The following RAPGEF4 variants were observed in gnomAD, a reference collection of about 807,000 sequenced individuals.
The protein encoded by RAPGEF4 is Rap guanine nucleotide exchange factor 4.
In RAPGEF4, 66 loss-of-function variants were observed where a neutral mutation model predicts 147.9. That is an observed-to-expected ratio of 0.45 (90% CI 0.37 to 0.55). The LOEUF is 0.55. RAPGEF4 is among the 20% of genes least tolerant of loss of function. The pLI is 0.00. For synonymous variants in RAPGEF4, 419 were observed against 442.7 expected (o/e 0.95, Z 0.67); for missense variants, 1,071 against 1,257.3 (o/e 0.85, Z 2.24).
At chr2:172,827,947 T>C (rs72908199) in intron 4 of RAPGEF4, among the ~76,000 whole-genome samples, 2,278 of 152,268 alleles carry the variant, frequency 0.015, 19 homozygotes, top group South Asian at 0.033. Flanking sequence ...AAATCTGCCC[T>C]TACATCCTTT....
chr2:172,958,026 C>G (rs1396287958), intron 6 of RAPGEF4, among the ~76,000 whole-genome samples: 10 of 152,196 alleles, frequency 6.6e-5, no homozygotes, highest in Admixed American at 4.6e-4. Context: ...AACATGCAAT[C>G]TTCAAATAAT....
chr2:172,914,293 T>C lies in RAPGEF4; in HGVS notation c.445-3509T>C, dbSNP rs115108285. On this transcript the variant is annotated intron_variant, in intron 4 of 30. Coordinates refer to ENST00000397081, the MANE Select transcript of RAPGEF4 (RefSeq NM_007023.4). ...TCTGCATCTGCCCTCTGAGGGAGGT[T>C]CCTAGCTCAGTCAAAGGAAATATGC... is the stretch of plus-strand genomic sequence containing the variant. Among the ~76,000 whole-genome samples, 238 of 149,828 alleles carry C rather than the reference T, an allele frequency of 1.6e-3. 1 individual carries two copies. Among genetic ancestry groups the C allele is most frequent in the African/African-American group, 5.6e-3 (228 of 40,900 alleles).
At chr2:172,902,269 T>C (rs955125598) in intron 4 of RAPGEF4, among the ~76,000 whole-genome samples, 6 of 151,828 alleles carry the variant, frequency 4.0e-5, no homozygotes, top group Non-Finnish European at 8.8e-5. Flanking sequence ...AGAGCTGGGA[T>C]TGGAGCCCAT....
chr2:172,889,703 G>T, intron 4 of RAPGEF4: 1 of 269,292 alleles, frequency 3.7e-6, no homozygotes, highest in Non-Finnish European at 5.7e-6. Context: ...ACACACACAC[G>T]CTACCCACTG....
At chr2:172,937,037 CAAAAAAAAAAA>C (rs34104170) in intron 6 of RAPGEF4, among the ~76,000 whole-genome samples, 2 of 52,602 alleles carry the variant, frequency 3.8e-5, no homozygotes, top group African/African-American at 8.1e-5. Flanking sequence ...CCTCTCTCTG[CAAAAAAAAAAA>C]AAAAAAAAAA....
rs145445477 is a variant in RAPGEF4 at position 173,044,485 on chromosome 2, G to A, written c.2854-4115G>A. On this transcript the variant is annotated intron_variant, in intron 29 of 30. Coordinates refer to ENST00000397081, the MANE Select transcript of RAPGEF4 (RefSeq NM_007023.4). ...TTTTCAGCTCTAAAGAAAAATAGAC[G>A]CGTGACATAGTCACAGAGTTCTTCA... 7.6e-4 allele frequency among the ~76,000 whole-genome samples: 116 copies of A among 152,240 alleles called. 2 individuals carry two copies. Among genetic ancestry groups the A allele is most frequent in the African/African-American group, 2.6e-3 (106 of 41,534 alleles).
rs556003292 is a variant in RAPGEF4 at position 173,005,452 on chromosome 2, ACCAGTTCT to A, written c.1658+4112_1658+4119del. Among the ~76,000 whole-genome samples, 612 of 149,700 alleles carry A rather than the reference ACCAGTTCT, an allele frequency of 4.1e-3. 4 individuals are homozygous for A. The highest frequency in any genetic ancestry group is 0.013 in the African/African-American group (534 of 40,730). ...ACATTATTTACTTTATCTTTCCAAC[ACCAGTTCT>A]CCAAATGTAAAGCAAAAAAGTCTGG... is the stretch of plus-strand genomic sequence containing the variant. On this transcript the variant is annotated intron_variant, in intron 17 of 30. Transcript: ENST00000397081.
At chr2:172,857,800 G>C (rs908292800) in intron 4 of RAPGEF4, among the ~76,000 whole-genome samples, 5 of 149,472 alleles carry the variant, frequency 3.3e-5, no homozygotes, top group Non-Finnish European at 5.9e-5. Context: ...AAGATCACTT[G>C]AGCCCTGGAG....
chr2:172,990,534 ACTTC>A (rs1475918407), intron 14 of RAPGEF4, among the ~76,000 whole-genome samples: 1 of 152,166 alleles, frequency 6.6e-6, no homozygotes, highest in Non-Finnish European at 1.5e-5. Context: ...TTCCTGCTCT[ACTTC>A]CTTCTCCCAA....
chr2:172,935,214 G>C (rs1686429386), intron 6 of RAPGEF4, among the ~76,000 whole-genome samples: 1 of 152,164 alleles, frequency 6.6e-6, no homozygotes, highest in Non-Finnish European at 1.5e-5. Context: ...GGGGCTCACA[G>C]TGGAGCCGGC....
chr2:172,868,897 A>G (rs1694919239), intron 4 of RAPGEF4, among the ~76,000 whole-genome samples: 1 of 152,138 alleles, frequency 6.6e-6, no homozygotes, highest in Admixed American at 6.5e-5. Context: ...TGGAAGGTGA[A>G]GGGGGAGCAG....
At chr2:173,045,505 G>C (rs1454903569) in intron 29 of RAPGEF4, among the ~76,000 whole-genome samples, 2 of 152,220 alleles carry the variant, frequency 1.3e-5, no homozygotes, top group African/African-American at 4.8e-5. Context: ...ATCTGGGGGT[G>C]TGAAGATATC....
chr2:172,767,354 T>C (rs890151713), intron 1 of RAPGEF4, among the ~76,000 whole-genome samples: 1 of 152,042 alleles, frequency 6.6e-6, no homozygotes, highest in African/African-American at 2.4e-5. Context: ...AGTTTTTGTA[T>C]TTTTAGTATA....
intron 8 of RAPGEF4, among the ~76,000 whole-genome samples, chr2:172,963,273 G>A (rs1180775914): frequency 1.3e-5 from 2 of 152,052 alleles, no homozygotes; most frequent in African/African-American, 4.8e-5. Context: ...ACCATATCAG[G>A]CCCCCTACAT....
chr2:172,902,817 C>A (rs1223131514), intron 4 of RAPGEF4, among the ~76,000 whole-genome samples: 2 of 152,258 alleles, frequency 1.3e-5, no homozygotes, highest in Admixed American at 6.5e-5. Flanking sequence ...AAAGTAGGAT[C>A]CACTCAAATG....
intron 4 of RAPGEF4, among the ~76,000 whole-genome samples, chr2:172,855,028 T>A (rs986957112): frequency 2.6e-5 from 4 of 152,148 alleles, no homozygotes; most frequent in African/African-American, 7.2e-5. Flanking sequence ...TCACAGTAGA[T>A]CTAAAAATCA....
intron 6 of RAPGEF4, among the ~76,000 whole-genome samples, chr2:172,922,913 C>G (rs1478488575): frequency 1.3e-5 from 2 of 152,184 alleles, no homozygotes; most frequent in Non-Finnish European, 2.9e-5. Context: ...TATTAACTAA[C>G]ATCTAAATTT....
At chr2:173,005,459 C>G (rs1694336137) in intron 17 of RAPGEF4, among the ~76,000 whole-genome samples, 1 of 149,048 alleles carries the variant, frequency 6.7e-6, no homozygotes, top group African/African-American at 2.5e-5. Context: ...AACACCAGTT[C>G]TCCAAATGTA....
intron 5 of RAPGEF4, 55 bp from the exon 6 acceptor site, chr2:172,922,226 T>G: frequency 6.4e-7 from 1 of 1,557,334 alleles, no homozygotes; most frequent in East Asian, 2.2e-5. Flanking sequence ...CAATTCCACT[T>G]TACCGGTTGA....
Sources: allele counts gnomAD v4.1 joint callset (sites outside exome capture counted in the v4.1 genomes callset), GRCh38; gene constraint gnomAD v4.1.1; transcripts MANE v1.5; gene names NCBI Gene and HGNC (gene_info 2026-07-23, HGNC 2026-07-21).